Variants in ZEB2 observed in about 807,000 individuals in gnomAD.
The protein encoded by ZEB2 is zinc finger E-box binding homeobox 2, also known as zinc finger E-box-binding homeobox 2.
Under a neutral mutation model 99.9 loss-of-function variants are expected in ZEB2, and 6 were observed. The ratio of observed to expected loss-of-function variants is 0.06; its 90% CI spans 0.03 to 0.12. The LOEUF (loss-of-function observed/expected upper bound fraction) is 0.12. Ranked by LOEUF, ZEB2 falls within the 10% of genes least tolerant of loss-of-function variation. The pLI is 1.00. For synonymous variants in ZEB2, 517 were observed against 542.5 expected (o/e 0.95, Z 0.65); for missense variants, 969 against 1,502.8 (o/e 0.64, Z 5.87).
intron 2 of ZEB2, among the ~76,000 whole-genome samples, chr2:144,459,758 G>C (rs922197478): frequency 6.6e-6 from 1 of 152,152 alleles, no homozygotes; most frequent in African/African-American, 2.4e-5. Context: ...ACGAAATAAG[G>C]TAACAGAGCT....
chr2:144,421,139 G>C (rs555943161), intron 4 of ZEB2, among the ~76,000 whole-genome samples: 1 of 152,298 alleles, frequency 6.6e-6, no homozygotes, highest in African/African-American at 2.4e-5. Flanking sequence ...ATACAAAAGG[G>C]AAGTCCAAGT....
rs527452982 is a variant in ZEB2, at chr2:144,454,819, G to T, written c.74-24793C>A. 3.9e-5 allele frequency among the ~76,000 whole-genome samples: 6 copies of T among 152,198 alleles called. No individual in the cohort carries two copies. The East Asian group carries it at 9.7e-4, about 25-fold the overall frequency. ...AAAGTTGGGAGAGAATCCATGAAAT[G>T]ATCCCTCGTTCCTGTAAATGTACAC... On this transcript the variant is annotated intron_variant, in intron 2 of 9. Coordinates refer to ENST00000627532, the MANE Select transcript of ZEB2 (RefSeq NM_014795.4).
intron 2 of ZEB2, chr2:144,461,463 A>G (rs1167384302): frequency 6.6e-6 from 1 of 152,320 alleles, no homozygotes; most frequent in Non-Finnish European, 1.5e-5. Context: ...AGTTGTCTAC[A>G]TGCCAGGCCC....
In ZEB2 at chr2:144,469,756, G is replaced by A. The variant is rs184615411; in HGVS notation, c.74-39730C>T. On this transcript the variant is annotated intron_variant, in intron 2 of 9. Transcript: ENST00000627532. ...TAATTTGCTCTTTGGCTTTCTAAGA[G>A]GGAAAACATCAAAGAAACAAGAGTT... 3.9e-5 allele frequency among the ~76,000 whole-genome samples: 6 copies of A among 152,186 alleles called. No individual in the cohort carries two copies. In the East Asian group the frequency reaches 1.2e-3, roughly 29 times the overall value.
chr2:144,415,982 T>C (rs1703534783), intron 4 of ZEB2, among the ~76,000 whole-genome samples: 1 of 152,222 alleles, frequency 6.6e-6, no homozygotes, highest in Non-Finnish European at 1.5e-5. Flanking sequence ...CATCACTTAA[T>C]AGATAGTCCA....
intron 2 of ZEB2, among the ~76,000 whole-genome samples, chr2:144,500,334 T>A (rs182744865): frequency 1.3e-4 from 20 of 152,358 alleles, no homozygotes; most frequent in African/African-American, 4.6e-4. Context: ...TGCATTAAAT[T>A]GTTTTGTTTC....
In ZEB2 at chr2:144,517,061, G is replaced by C. The variant is rs568856513; in HGVS notation, c.73+217C>G. On this transcript the variant is annotated intron_variant, in intron 2 of 9. Transcript: ENST00000627532. Reference sequence around the variant, plus strand: ...CGGACCCCCGCGCTCGGACCCCCGGGTGCCTGACGCTCACTTTGCCCGGCA... The same window carrying C: ...CGGACCCCCGCGCTCGGACCCCCGGCTGCCTGACGCTCACTTTGCCCGGCA... 0.01 allele frequency among the ~76,000 whole-genome samples: 1,542 copies of C among 150,030 alleles called. 26 individuals are homozygous for C. Among genetic ancestry groups the C allele is most frequent in the African/African-American group, 0.036 (1,466 of 41,176 alleles).
chr2:144,479,663 G>A (rs115646255), intron 2 of ZEB2, among the ~76,000 whole-genome samples: 1,555 of 112,292 alleles, frequency 0.014, 50 homozygotes, highest in African/African-American at 0.051. Flanking sequence ...CTCTTAGTGA[G>A]TGTGTATGCT....
chr2:144,497,941 T>G (rs1366437399), intron 2 of ZEB2, among the ~76,000 whole-genome samples: 1 of 59,254 alleles, frequency 1.7e-5, no homozygotes, highest in African/African-American at 8.3e-5. Context: ...TATATTAATA[T>G]TATATATTAT....
intron 2 of ZEB2, among the ~76,000 whole-genome samples, chr2:144,451,249 A>C (rs938996018): frequency 1.3e-5 from 2 of 152,236 alleles, no homozygotes; most frequent in Non-Finnish European, 2.9e-5. Context: ...ATTTAAATCT[A>C]CTTAGGAAGT....
At chr2:144,409,564 G>C (rs969488) in intron 4 of ZEB2, among the ~76,000 whole-genome samples, 151,655 of 152,276 alleles carry the variant, frequency 1, 75,521 homozygotes, top group East Asian at 1. Flanking sequence ...TCACAAGAAG[G>C]CTCAAGTAAT....
At chr2:144,396,284 C>T in intron 9 of ZEB2, 128 bp downstream of exon 9, 1 of 1,251,586 alleles carries the variant, frequency 8.0e-7, no homozygotes, top group South Asian at 1.2e-5. Flanking sequence ...TCGGCAAAAG[C>T]ATTATTTCTT....
chr2:144,483,369 A>G (rs541566026), intron 2 of ZEB2, among the ~76,000 whole-genome samples: 2 of 152,270 alleles, frequency 1.3e-5, no homozygotes, highest in Non-Finnish European at 2.9e-5. Flanking sequence ...TGTAAAGATC[A>G]AATGAGATAT....
At chr2:144,434,357 A>T (rs1336639921) in intron 2 of ZEB2, among the ~76,000 whole-genome samples, 3 of 152,168 alleles carry the variant, frequency 2.0e-5, no homozygotes, top group Non-Finnish European at 4.4e-5. Flanking sequence ...CAGGAAGCTT[A>T]CAATTTATTT....
At chr2:144,393,409 A>G (rs1032720938) in intron 9 of ZEB2, among the ~76,000 whole-genome samples, 3 of 152,222 alleles carry the variant, frequency 2.0e-5, no homozygotes, top group Admixed American at 2.0e-4. Context: ...GACATCACAA[A>G]CACACTTTAC....
At chr2:144,513,817 T>C in intron 2 of ZEB2, 1 of 1,535,942 alleles carries the variant, frequency 6.5e-7, no homozygotes, top group Non-Finnish European at 8.7e-7. Context: ...GATAGTGGGG[T>C]ATAATCAGGG....
intron 4 of ZEB2, among the ~76,000 whole-genome samples, chr2:144,414,257 A>C (rs1398296787): frequency 6.6e-6 from 1 of 152,192 alleles, no homozygotes. Context: ...GTACTCTGCT[A>C]TTCTTCTCAT....
At chr2:144,404,202 A>G in intron 5 of ZEB2, 72 bp from the exon 6 acceptor site, 1 of 1,523,668 alleles carries the variant, frequency 6.6e-7, no homozygotes, top group Admixed American at 1.8e-5. Context: ...TAATGGGCTG[A>G]CTGCCCGGGA....
At chr2:144,423,159 A>G (rs940443992) in intron 4 of ZEB2, among the ~76,000 whole-genome samples, 2 of 152,192 alleles carry the variant, frequency 1.3e-5, no homozygotes, top group African/African-American at 4.8e-5. Context: ...AATAGAAGCA[A>G]TTTTTATTAA....
Sources: allele counts gnomAD v4.1 joint callset (sites outside exome capture counted in the v4.1 genomes callset), GRCh38; gene constraint gnomAD v4.1.1; transcripts MANE v1.5; gene names NCBI Gene and HGNC (gene_info 2026-07-23, HGNC 2026-07-21).